The following TNKS2 variants were observed in gnomAD, a reference collection of about 807,000 sequenced individuals.
TNKS2 encodes the protein tankyrase 2.
In TNKS2, 72 loss-of-function variants were observed where a neutral mutation model predicts 137.6. That is an observed-to-expected ratio of 0.52 (90% CI 0.43 to 0.64). The LOEUF (loss-of-function observed/expected upper bound fraction) is 0.64. TNKS2 is among the 30% of genes least tolerant of loss of function. The pLI is 0.00. For missense variants in TNKS2, 1,049 were observed against 1,410.2 expected (o/e 0.74, Z 4.10); for synonymous variants, 516 against 512.1 (o/e 1.01, Z -0.10).
chr10:91,807,717 G>A (rs988206104), intron 1 of TNKS2, among the ~76,000 whole-genome samples: 10 of 152,280 alleles, frequency 6.6e-5, no homozygotes, highest in African/African-American at 1.9e-4. Context: ...AGAAAATGCC[G>A]GGCGCAGTGG....
intron 2 of TNKS2, among the ~76,000 whole-genome samples, chr10:91,814,766 GTT>G (rs1465862123): frequency 6.6e-6 from 1 of 152,194 alleles, no homozygotes; most frequent in African/African-American, 2.4e-5. Context: ...TAGCCTAGGT[GTT>G]TGGTAGACTG....
chr10:91,843,598 A>G (rs1197062118), intron 16 of TNKS2, among the ~76,000 whole-genome samples: 1 of 152,194 alleles, frequency 6.6e-6, no homozygotes, highest in African/African-American at 2.4e-5. Flanking sequence ...CAGTGCAAAT[A>G]TACAATATAT....
intron 7 of TNKS2, among the ~76,000 whole-genome samples, chr10:91,826,489 AAG>A (rs1181026984): frequency 3.9e-5 from 6 of 152,352 alleles, no homozygotes; most frequent in African/African-American, 1.4e-4. Context: ...ATATGTATGA[AAG>A]AATCTAGACG....
At position 91,851,954 on chromosome 10, in the gene TNKS2, C is replaced by G. The variant is rs180728359; in HGVS notation, c.2815+618C>G. Among the ~76,000 whole-genome samples the G allele has an allele frequency of 3.5e-3, 539 of 152,336 alleles. 3 individuals are homozygous for G. The highest frequency in any genetic ancestry group is 5.6e-3 in the Non-Finnish European group (378 of 68,028). On this transcript the variant is annotated intron_variant, in intron 21 of 26. Coordinates refer to ENST00000371627, the MANE Select transcript of TNKS2 (RefSeq NM_025235.4). ...TATAAAAAGGTGAATTGTGGCCAAA[C>G]GCGGTGGCTCACGCCTGTAATTCCA...
intron 17 of TNKS2, 45 bp downstream of exon 17, chr10:91,845,073 G>A: frequency 7.9e-7 from 1 of 1,258,430 alleles, no homozygotes. Flanking sequence ...GAATTTTAAA[G>A]TGAAAGTCAG....
intron 7 of TNKS2, among the ~76,000 whole-genome samples, chr10:91,825,015 G>T (rs533760978): frequency 6.6e-6 from 1 of 152,230 alleles, no homozygotes; most frequent in African/African-American, 2.4e-5. Flanking sequence ...AATCATGGAT[G>T]CACTGTACTC....
chr10:91,827,256 CA>C (rs1845098684), intron 8 of TNKS2, 53 bp downstream of exon 8: 1 of 1,300,268 alleles, frequency 7.7e-7, no homozygotes. Context: ...ATAAACTGAA[CA>C]TTTTTTCTTT....
Position 91,845,793 on chromosome 10 carries a change from T to C in TNKS2, c.2211T>C (p.Cys737=). The C allele has an allele frequency of 6.2e-7, 1 of 1,601,712 alleles. No homozygotes were observed. Among genetic ancestry groups the C allele is most frequent in the South Asian group, 1.1e-5 (1 of 89,962 alleles). The change falls in exon 18 of 27, where the codon TGT becomes TGC. Residue 737 remains cysteine, a synonymous_variant. Coordinates refer to ENST00000371627, the MANE Select transcript of TNKS2 (RefSeq NM_025235.4). ...CTCTACTAATAAAGTATAATGCATG[T>C]GTCAATGCCACGGACAAATGGGCTT... ...VAALLIKYNA[C]VNATDKWAFT...
chr10:91,844,606 A>G (rs534524222), intron 16 of TNKS2, among the ~76,000 whole-genome samples: 2 of 152,210 alleles, frequency 1.3e-5, no homozygotes, highest in Non-Finnish European at 2.9e-5. Flanking sequence ...GAAGGTTTTC[A>G]TAGGAAAGAT....
chr10:91,838,889 TG>T, intron 13 of TNKS2, among the ~76,000 whole-genome samples: 1 of 152,324 alleles, frequency 6.6e-6, no homozygotes, highest in African/African-American at 2.4e-5. Flanking sequence ...TTGTTTGAGA[TG>T]GAGTTTCACT....
At position 91,849,577 on chromosome 10, in the gene TNKS2, A is replaced by G. The variant is rs768593261; in HGVS notation, c.2677A>G (p.Ile893Val). The change falls in exon 20 of 27, where the codon ATA (isoleucine) becomes GTA (valine). Residue 893 changes from isoleucine to valine, a missense_variant. Ile to Val is a conservative substitution (Grantham distance 29). Coordinates refer to ENST00000371627, the MANE Select transcript of TNKS2 (RefSeq NM_025235.4). ...TCTTGGACTTGAGCACCTAATGGATATATTTGAGAGAGAACAGGTGAGTAG... is the reference window on the plus strand; with the variant it reads ...TCTTGGACTTGAGCACCTAATGGATGTATTTGAGAGAGAACAGGTGAGTAG... ...RNLGLEHLMD[I>V]FEREQITLDV... is the part of the protein sequence containing the mutation. The G allele has an allele frequency of 3.7e-6, 6 of 1,611,122 alleles. No homozygotes were observed. Among genetic ancestry groups the G allele is most frequent in the Non-Finnish European group, 5.1e-6 (6 of 1,178,738 alleles).
rs557767694 is a variant in TNKS2 at position 91,802,223 on chromosome 10, A to AT, written c.199+3341dup. On this transcript the variant is annotated intron_variant, in intron 1 of 26. Coordinates refer to ENST00000371627, the MANE Select transcript of TNKS2 (RefSeq NM_025235.4). Reference sequence around the variant, plus strand: ...TTGTGTGAATCAAATATAAGAGGGGATTTTTTTATTCAGAGGAGGAAAGTG... The same window carrying AT: ...TTGTGTGAATCAAATATAAGAGGGGATTTTTTTTATTCAGAGGAGGAAAGTG... Among the ~76,000 whole-genome samples the AT allele has an allele frequency of 2.3e-3, 352 of 152,272 alleles. 1 individual carries two copies. The highest frequency in any genetic ancestry group is 8.1e-3 in the African/African-American group (335 of 41,550).
chr10:91,817,918 A>G (rs1171003546), intron 3 of TNKS2, among the ~76,000 whole-genome samples: 3 of 152,172 alleles, frequency 2.0e-5, no homozygotes, highest in African/African-American at 7.2e-5. Context: ...ATTCTTACCT[A>G]CCTTGTGATG....
intron 1 of TNKS2, among the ~76,000 whole-genome samples, chr10:91,811,631 A>G (rs1027739677): frequency 5.3e-5 from 8 of 152,208 alleles, no homozygotes; most frequent in Admixed American, 3.9e-4. Context: ...CTTTTCAACT[A>G]TCTTTAGCTC....
At chr10:91,852,779 T>A (rs1346734423) in intron 21 of TNKS2, among the ~76,000 whole-genome samples, 1 of 152,150 alleles carries the variant, frequency 6.6e-6, no homozygotes, top group African/African-American at 2.4e-5. Flanking sequence ...TCTGAAGAAA[T>A]AAGAGCACCT....
intron 20 of TNKS2, among the ~76,000 whole-genome samples, 177 bp from the exon 21 acceptor site, chr10:91,851,038 CT>C (rs1164442471): frequency 6.6e-5 from 10 of 152,112 alleles, no homozygotes; most frequent in Non-Finnish European, 8.8e-5. Context: ...TTGAAAGTGC[CT>C]TTTTGTTTTG....
At chr10:91,807,610 A>AGAGT (rs1844368095) in intron 1 of TNKS2, among the ~76,000 whole-genome samples, 1 of 152,182 alleles carries the variant, frequency 6.6e-6, no homozygotes, top group African/African-American at 2.4e-5. Context: ...AGCAAATGTC[A>AGAGT]ACAAATTGCT....
Position 91,813,049 on chromosome 10 carries a change from A to G in TNKS2, c.266A>G (p.Asp89Gly). Residue 89 changes from aspartate to glycine, a missense_variant, in exon 2 of 27, where the codon GAT becomes GGT. Physicochemically the swap from Asp to Gly is moderately conservative, Grantham distance 94. Transcript: ENST00000371627. Reference sequence around the variant, plus strand: ...GGTGCAAATGTCCAAGCACGTGATGATGGGGGCCTTATTCCTCTTCATAAT... The same window carrying G: ...GGTGCAAATGTCCAAGCACGTGATGGTGGGGGCCTTATTCCTCTTCATAAT... ...QNGANVQARD[D>G]GGLIPLHNAC... 1 of 1,614,152 alleles carries G rather than the reference A, an allele frequency of 6.2e-7. No homozygotes were observed. Among genetic ancestry groups the G allele is most frequent in the Non-Finnish European group, 8.5e-7 (1 of 1,180,026 alleles).
intron 24 of TNKS2, among the ~76,000 whole-genome samples, chr10:91,858,814 G>T (rs926840206): frequency 1.3e-5 from 2 of 152,148 alleles, no homozygotes; most frequent in African/African-American, 2.4e-5. Flanking sequence ...TTTGAGACCA[G>T]CCTGACCAAT....
Sources: allele counts gnomAD v4.1 joint callset (sites outside exome capture counted in the v4.1 genomes callset), GRCh38; gene constraint gnomAD v4.1.1; transcripts MANE v1.5; gene names NCBI Gene and HGNC (gene_info 2026-07-23, HGNC 2026-07-21).